VAV3: variants seen among roughly 807,000 people sequenced by gnomAD.
The protein encoded by VAV3 is vav guanine nucleotide exchange factor 3.
VAV3 carries 94 observed loss-of-function variants against 131.2 expected under a neutral mutation model. That is an observed-to-expected ratio of 0.72 (90% CI 0.61 to 0.85). The LOEUF (loss-of-function observed/expected upper bound fraction) is 0.85. Ranked by LOEUF, VAV3 falls within the 40% of genes least tolerant of loss-of-function variation. The pLI is 0.00. For synonymous variants in VAV3, 349 were observed against 342.0 expected (o/e 1.02, Z -0.22); for missense variants, 939 against 1,002.7 (o/e 0.94, Z 0.86).
rs536288352 is a variant in VAV3 at position 107,913,843 on chromosome 1, T to C, written c.205-38826A>G. Among the ~76,000 whole-genome samples the C allele has an allele frequency of 1.8e-4, 28 of 152,336 alleles. 1 individual carries two copies. In the South Asian group the frequency reaches 5.4e-3, roughly 29 times the overall value. On this transcript the variant is annotated intron_variant, in intron 1 of 26. Coordinates refer to ENST00000370056, the MANE Select transcript of VAV3 (RefSeq NM_006113.5). ...TGGAGTCTCACTCTGTTGCCCAGGC[T>C]GGAGTGAAGTGGCATGATCTCAGCT...
chr1:107,617,585 T>G lies in VAV3; in HGVS notation c.1962A>C (p.Ala654=), dbSNP rs1653254661. The change falls in exon 21 of 27, where the codon GCA becomes GCC. Residue 654 remains alanine (A), a synonymous_variant. Transcript: ENST00000370056. Reference sequence around the variant, plus strand: ...TACTTACACATGGGCAAGGCTTGACTGCATCACTTGGAAAAAATCCAACCT... The same window carrying G: ...TACTTACACATGGGCAAGGCTTGACGGCATCACTTGGAAAAAATCCAACCT... ...SGEVGFFPSD[A]VKPCPCVPKP... The G allele has an allele frequency of 1.2e-6, 2 of 1,612,990 alleles. No homozygotes were observed. The highest frequency in any genetic ancestry group is 2.7e-5 in the African/African-American group (2 of 74,800).
At chr1:107,949,416 T>A (rs1163495250) in intron 1 of VAV3, among the ~76,000 whole-genome samples, 1 of 152,074 alleles carries the variant, frequency 6.6e-6, no homozygotes, top group African/African-American at 2.4e-5. Context: ...GCTCAAGAGA[T>A]CCTTCCACGT....
chr1:107,686,854 A>G (rs1408488470), intron 18 of VAV3, among the ~76,000 whole-genome samples: 1 of 152,182 alleles, frequency 6.6e-6, no homozygotes, highest in African/African-American at 2.4e-5. Context: ...TCTTATTGGC[A>G]TATTTTCTTT....
chr1:107,964,372 G>C, intron 1 of VAV3: 1 of 300,378 alleles, frequency 3.3e-6, no homozygotes, highest in African/African-American at 2.1e-5. Context: ...CACACACGCA[G>C]AGTAGGTGAA....
chr1:107,905,185 T>C (rs946361068), intron 1 of VAV3, among the ~76,000 whole-genome samples: 3 of 152,212 alleles, frequency 2.0e-5, no homozygotes, highest in Admixed American at 6.5e-5. Flanking sequence ...CCTTTGTGTA[T>C]TGCACAACCT....
intron 1 of VAV3, among the ~76,000 whole-genome samples, chr1:107,938,844 A>C (rs1673848878): frequency 6.6e-6 from 1 of 152,236 alleles, no homozygotes; most frequent in African/African-American, 2.4e-5. Flanking sequence ...ACTGTAACCT[A>C]ATGGGATGTG....
intron 2 of VAV3, among the ~76,000 whole-genome samples, chr1:107,803,837 G>A (rs1456353323): frequency 1.3e-5 from 2 of 151,968 alleles, no homozygotes; most frequent in East Asian, 3.9e-4. Flanking sequence ...ATCCATTATT[G>A]AGAGTGGAGT....
intron 9 of VAV3, among the ~76,000 whole-genome samples, chr1:107,761,507 C>A (rs1664427736): frequency 1.3e-5 from 2 of 152,156 alleles, no homozygotes; most frequent in African/African-American, 4.8e-5. Context: ...CACCAATTTC[C>A]CCCAGTGGAC....
chr1:107,626,700 G>T (rs1654042325), intron 20 of VAV3, among the ~76,000 whole-genome samples: 1 of 152,158 alleles, frequency 6.6e-6, no homozygotes. Flanking sequence ...TAAAATCTGA[G>T]TTTGAGACAT....
intron 1 of VAV3, among the ~76,000 whole-genome samples, chr1:107,884,123 G>C (rs1670912484): frequency 6.7e-6 from 1 of 149,904 alleles, no homozygotes; most frequent in Non-Finnish European, 1.5e-5. Context: ...AAGCAACCCA[G>C]AGATGGGGCC....
At chr1:107,761,498 A>T (rs545204852) in intron 9 of VAV3, among the ~76,000 whole-genome samples, 15 of 152,084 alleles carry the variant, frequency 9.9e-5, no homozygotes, top group African/African-American at 3.4e-4. Flanking sequence ...TGTACTTCCC[A>T]CCAATTTCCC....
chr1:107,791,010 T>C (rs1417711407), intron 2 of VAV3, among the ~76,000 whole-genome samples: 1 of 152,078 alleles, frequency 6.6e-6, no homozygotes, highest in African/African-American at 2.4e-5. Context: ...CTAAGCTGTA[T>C]TTCTTCTTGT....
intron 2 of VAV3, among the ~76,000 whole-genome samples, chr1:107,793,783 T>C (rs1570962947): frequency 6.6e-6 from 1 of 152,214 alleles, no homozygotes; most frequent in East Asian, 1.9e-4. Flanking sequence ...AGAACCCTAA[T>C]CTAGTAGCTA....
intron 1 of VAV3, among the ~76,000 whole-genome samples, chr1:107,902,654 CT>C (rs1294016190): frequency 6.6e-6 from 1 of 151,788 alleles, no homozygotes; most frequent in Non-Finnish European, 1.5e-5. Flanking sequence ...ATGTTTAAAC[CT>C]TTAAGAAAAT....
intron 1 of VAV3, among the ~76,000 whole-genome samples, chr1:107,958,754 TCTCATAATGTTATCC>T: frequency 6.6e-6 from 1 of 152,186 alleles, no homozygotes; most frequent in Non-Finnish European, 1.5e-5. Context: ...GTTAGGTATT[TCTCATAATGTTATCC>T]CTCCCCTTGC....
At chr1:107,751,309 G>T in intron 12 of VAV3, 107 bp from the exon 13 acceptor site, 1 of 891,264 alleles carries the variant, frequency 1.1e-6, no homozygotes, top group Non-Finnish European at 1.7e-6. Context: ...ACATTAAAAT[G>T]TTACCATTTT....
intron 1 of VAV3, among the ~76,000 whole-genome samples, chr1:107,947,243 C>A (rs1040238622): frequency 1.8e-4 from 27 of 152,158 alleles, no homozygotes; most frequent in African/African-American, 6.5e-4. Context: ...ACAGACAAAT[C>A]GACAGATTCA....
intron 17 of VAV3, among the ~76,000 whole-genome samples, chr1:107,696,534 C>A (rs940788368): frequency 3.9e-5 from 6 of 152,146 alleles, no homozygotes; most frequent in Admixed American, 3.9e-4. Flanking sequence ...CAAGTGGACT[C>A]CTGATCCACA....
chr1:107,642,568 G>T, intron 20 of VAV3, 51 bp downstream of exon 20: 1 of 1,587,658 alleles, frequency 6.3e-7, no homozygotes. Flanking sequence ...CAAGATTTAA[G>T]AACCCTCTCT....
Sources: allele counts gnomAD v4.1 joint callset (sites outside exome capture counted in the v4.1 genomes callset), GRCh38; gene constraint gnomAD v4.1.1; transcripts MANE v1.5; gene names NCBI Gene and HGNC (gene_info 2026-07-23, HGNC 2026-07-21).